Variants in CCBE1 observed in about 807,000 individuals in gnomAD.
The protein encoded by CCBE1 is collagen and calcium binding EGF domains 1.
CCBE1 carries 37 observed loss-of-function variants against 50.0 expected under a neutral mutation model. That is an observed-to-expected ratio of 0.74 (90% CI 0.57 to 0.97). The LOEUF is 0.97. CCBE1 is among the 50% of genes least tolerant of loss of function. The pLI, the probability that CCBE1 is intolerant of heterozygous loss-of-function variation, is 0.00. For synonymous variants in CCBE1, 234 were observed against 203.7 expected (o/e 1.15, Z -1.27); for missense variants, 538 against 523.8 (o/e 1.03, Z -0.26).
chr18:59,587,950 A>C (rs2053202018), intron 2 of CCBE1, among the ~76,000 whole-genome samples: 1 of 152,250 alleles, frequency 6.6e-6, no homozygotes, highest in African/African-American at 2.4e-5. Flanking sequence ...AGAACTCTAC[A>C]AAGAAAATAT....
chr18:59,634,403 A>T (rs1352552793), intron 2 of CCBE1, among the ~76,000 whole-genome samples: 1 of 152,204 alleles, frequency 6.6e-6, no homozygotes, highest in Non-Finnish European at 1.5e-5. Context: ...CTAAAGCAAC[A>T]ACATTAACCA....
At chr18:59,549,895 A>G (rs1257811906) in intron 2 of CCBE1, among the ~76,000 whole-genome samples, 2 of 152,164 alleles carry the variant, frequency 1.3e-5, no homozygotes, top group East Asian at 1.9e-4. Context: ...TATCCTCCCC[A>G]TCATGCAGAT....
intron 2 of CCBE1, among the ~76,000 whole-genome samples, chr18:59,628,833 C>CA: frequency 6.6e-6 from 1 of 152,156 alleles, no homozygotes; most frequent in East Asian, 1.9e-4. Flanking sequence ...TAGCTATAAC[C>CA]AAAAACTCAG....
chr18:59,539,680 G>C (rs1334087352), intron 2 of CCBE1, among the ~76,000 whole-genome samples: 1 of 152,138 alleles, frequency 6.6e-6, no homozygotes, highest in African/African-American at 2.4e-5. Context: ...GATTCTCTAA[G>C]GCTGGATGAA....
intron 2 of CCBE1, among the ~76,000 whole-genome samples, chr18:59,523,014 T>C (rs112176738): frequency 9.1e-6 from 1 of 110,070 alleles, no homozygotes; most frequent in Admixed American, 8.6e-5. Flanking sequence ...AAAAAAAAAA[T>C]TCTCAATGTT....
At chr18:59,625,180 C>T (rs778181866) in intron 2 of CCBE1, among the ~76,000 whole-genome samples, 3 of 152,132 alleles carry the variant, frequency 2.0e-5, no homozygotes, top group Non-Finnish European at 4.4e-5. Flanking sequence ...ACCTGTAATC[C>T]CAGCACTTTG....
chr18:59,511,955 T>C (rs1300746637), intron 2 of CCBE1, among the ~76,000 whole-genome samples: 1 of 152,234 alleles, frequency 6.6e-6, no homozygotes, highest in East Asian at 1.9e-4. Flanking sequence ...TTGATTTCCA[T>C]TTCTTGTTCA....
chr18:59,649,079 T>C (rs983341680), intron 2 of CCBE1, among the ~76,000 whole-genome samples: 8 of 152,204 alleles, frequency 5.3e-5, no homozygotes, highest in African/African-American at 9.7e-5. Context: ...ATCAAGACTA[T>C]TTTTTACAAA....
At position 59,471,074 on chromosome 18, in the gene CCBE1, G is replaced by A. The variant is rs145907472; in HGVS notation, c.266-1467C>T. ...TTCTGTGCTCTTTTTGTTGGAGAGC[G>A]TGATCCTGGCATGACTGGCTCTGAG... On this transcript the variant is annotated intron_variant, in intron 3 of 10. Coordinates refer to ENST00000439986, the MANE Select transcript of CCBE1 (RefSeq NM_133459.4). 1.2e-3 allele frequency among the ~76,000 whole-genome samples: 182 copies of A among 152,284 alleles called. 1 individual carries two copies. In the Middle Eastern group the frequency reaches 0.02, roughly 17 times the overall value.
intron 7 of CCBE1, among the ~76,000 whole-genome samples, chr18:59,444,728 C>A (rs1039732024): frequency 2.6e-5 from 4 of 151,720 alleles, no homozygotes; most frequent in African/African-American, 9.7e-5. Context: ...TGTATTTTTT[C>A]AAAAATAGTG....
intron 6 of CCBE1, among the ~76,000 whole-genome samples, chr18:59,453,880 A>T (rs1459933208): frequency 1.3e-5 from 2 of 152,186 alleles, no homozygotes; most frequent in African/African-American, 2.4e-5. Context: ...GTTGTTCAAG[A>T]AGTCAGATTG....
At chr18:59,473,781 T>TCC (rs372389748) in intron 3 of CCBE1, among the ~76,000 whole-genome samples, 13 of 778 alleles carry the variant, frequency 0.017, no homozygotes, top group Non-Finnish European at 0.023. Context: ...CACTATTTCC[T>TCC]CCCCACTACT....
At chr18:59,548,972 G>T (rs112401100) in intron 2 of CCBE1, among the ~76,000 whole-genome samples, 1 of 151,734 alleles carries the variant, frequency 6.6e-6, no homozygotes. Flanking sequence ...GCATGGTGGC[G>T]CATTCCTGAA....
At chr18:59,570,147 C>T (rs577638873) in intron 2 of CCBE1, among the ~76,000 whole-genome samples, 1 of 152,228 alleles carries the variant, frequency 6.6e-6, no homozygotes, top group South Asian at 2.1e-4. Flanking sequence ...TATTCATTTC[C>T]TTTAGGAGCT....
intron 2 of CCBE1, among the ~76,000 whole-genome samples, chr18:59,579,906 T>A (rs369175990): frequency 1.3e-5 from 2 of 152,098 alleles, no homozygotes; most frequent in East Asian, 3.9e-4. Flanking sequence ...GCTGAGCACA[T>A]GAAAAAAAAG....
Position 59,692,956 on chromosome 18 carries a change from GCACACACACACA to G in CCBE1, c.212+3661_212+3672del, listed in dbSNP as rs59496597. ...AAAAGAACCACTTTGTCAAGCCAAAGCACACACACACACACACACACACACACACACACACAC... is the reference window on the plus strand; with the variant it reads ...AAAAGAACCACTTTGTCAAGCCAAAGCACACACACACACACACACACACAC... On this transcript the variant is annotated intron_variant, in intron 2 of 10. Coordinates refer to ENST00000439986, the MANE Select transcript of CCBE1 (RefSeq NM_133459.4). 7.6e-3 allele frequency among the ~76,000 whole-genome samples: 664 copies of G among 86,962 alleles called. 9 individuals carry two copies. The highest frequency in any genetic ancestry group is 0.064 in the East Asian group (252 of 3,938). 57.1% of individuals were successfully genotyped at this position (86,962 alleles called of 152,430 possible). A position where few individuals can be genotyped will look rare whatever the true frequency, so the allele number is the denominator to read the frequency against.
chr18:59,446,040 C>T (rs1362231782), intron 7 of CCBE1, among the ~76,000 whole-genome samples: 6 of 152,126 alleles, frequency 3.9e-5, no homozygotes, highest in African/African-American at 1.4e-4. Context: ...TTTCTAGCTT[C>T]CCTAATAAGT....
chr18:59,615,421 C>T (rs1481035582), intron 2 of CCBE1, among the ~76,000 whole-genome samples: 1 of 152,070 alleles, frequency 6.6e-6, no homozygotes, highest in Non-Finnish European at 1.5e-5. Flanking sequence ...TCTGTCTACT[C>T]AGATGCCATT....
At chr18:59,511,856 T>C (rs1914146519) in intron 2 of CCBE1, among the ~76,000 whole-genome samples, 1 of 152,168 alleles carries the variant, frequency 6.6e-6, no homozygotes, top group African/African-American at 2.4e-5. Context: ...CACAGGAACA[T>C]GATCAAAAAG....
Sources: allele counts gnomAD v4.1 joint callset (sites outside exome capture counted in the v4.1 genomes callset), GRCh38; gene constraint gnomAD v4.1.1; transcripts MANE v1.5; gene names NCBI Gene and HGNC (gene_info 2026-07-23, HGNC 2026-07-21).